The following PRKCE variants were observed in gnomAD, a reference collection of about 807,000 sequenced individuals.
The protein encoded by PRKCE is protein kinase C epsilon type.
PRKCE carries 16 observed loss-of-function variants against 85.4 expected under a neutral mutation model. That is an observed-to-expected ratio of 0.19 (90% confidence interval 0.13 to 0.28). The LOEUF is 0.28. PRKCE is among the 10% of genes least tolerant of loss of function. The probability of loss-of-function intolerance (pLI) is 1.00; values close to 1 mark genes in which losing one functional copy is unlikely to be tolerated. For missense variants in PRKCE, 573 were observed against 975.2 expected (o/e 0.59, Z 5.49); for synonymous variants, 388 against 371.5 (o/e 1.04, Z -0.51).
chr2:46,077,929 T>A (rs1299259233), intron 10 of PRKCE: 1 of 152,242 alleles, frequency 6.6e-6, no homozygotes, highest in African/African-American at 2.4e-5. Flanking sequence ...CATCATTATT[T>A]ACTGTTTTCA....
chr2:46,056,907 T>G (rs1056603912), intron 10 of PRKCE, among the ~76,000 whole-genome samples: 1 of 152,246 alleles, frequency 6.6e-6, no homozygotes, highest in African/African-American at 2.4e-5. Flanking sequence ...TTTGGATCAC[T>G]ATTGCTACAA....
chr2:45,731,548 G>A (rs1681574105), intron 1 of PRKCE, among the ~76,000 whole-genome samples: 1 of 151,468 alleles, frequency 6.6e-6, no homozygotes, highest in African/African-American at 2.4e-5. Flanking sequence ...GACATTAAGT[G>A]TCTTGGATTT....
chr2:46,122,278 G>A (rs1047781837), intron 11 of PRKCE, among the ~76,000 whole-genome samples: 119 of 152,158 alleles, frequency 7.8e-4, no homozygotes, highest in Non-Finnish European at 4.3e-4. Context: ...GTCATCCAGG[G>A]TGGAGTGCAG....
At chr2:45,757,385 A>G (rs576869425) in intron 1 of PRKCE, among the ~76,000 whole-genome samples, 18 of 150,742 alleles carry the variant, frequency 1.2e-4, no homozygotes, top group African/African-American at 3.9e-4. Context: ...TATTATAAAG[A>G]GCTGGGCATC....
intron 2 of PRKCE, among the ~76,000 whole-genome samples, chr2:45,967,619 G>A (rs1701820561): frequency 6.6e-6 from 1 of 152,196 alleles, no homozygotes; most frequent in African/African-American, 2.4e-5. Context: ...ATATTGTAAT[G>A]TAGTAGTTTA....
At chr2:45,864,707 T>C (rs1693444592) in intron 2 of PRKCE, among the ~76,000 whole-genome samples, 1 of 152,210 alleles carries the variant, frequency 6.6e-6, no homozygotes, top group South Asian at 2.1e-4. Flanking sequence ...TTCCTATGGA[T>C]TATAAAGAGA....
At chr2:46,051,905 A>G (rs1242705145) in intron 10 of PRKCE, among the ~76,000 whole-genome samples, 1 of 152,156 alleles carries the variant, frequency 6.6e-6, no homozygotes, top group African/African-American at 2.4e-5. Flanking sequence ...GCACGAGAGC[A>G]GGGAAAACTG....
At chr2:45,717,334 C>A (rs1026797810) in intron 1 of PRKCE, among the ~76,000 whole-genome samples, 2 of 152,222 alleles carry the variant, frequency 1.3e-5, no homozygotes, top group African/African-American at 4.8e-5. Context: ...CTGGTTTGTT[C>A]TCTCTGTCTG....
intron 2 of PRKCE, among the ~76,000 whole-genome samples, chr2:45,846,347 T>A (rs1691787630): frequency 6.6e-6 from 1 of 152,174 alleles, no homozygotes; most frequent in Non-Finnish European, 1.5e-5. Context: ...TGAGAGACGG[T>A]CGGCGCCTGA....
intron 2 of PRKCE, among the ~76,000 whole-genome samples, chr2:45,913,993 G>A (rs564045605): frequency 2.0e-3 from 306 of 152,266 alleles, no homozygotes; most frequent in South Asian, 2.5e-3. Context: ...TTTATTTGTG[G>A]CCTACAAACT....
chr2:45,772,399 G>A (rs914610879), intron 1 of PRKCE, among the ~76,000 whole-genome samples: 4 of 152,108 alleles, frequency 2.6e-5, no homozygotes, highest in Non-Finnish European at 2.9e-5. Context: ...GAGGGATTTA[G>A]GAACCTGGGA....
In PRKCE at chr2:45,884,999, A is replaced by ATTTTTTTTTT. The variant is rs1265565855; in HGVS notation, c.412+41937_412+41938insTTTTTTTTTT. Among the ~76,000 whole-genome samples, 17 of 63,256 alleles carry ATTTTTTTTTT rather than the reference A, an allele frequency of 2.7e-4. No homozygotes were observed. The East Asian group carries it at 4.8e-3, about 18-fold the overall frequency. 41.5% of individuals were successfully genotyped at this position (63,256 alleles called of 152,430 possible). A position where few individuals can be genotyped will look rare whatever the true frequency, so the allele number is the denominator to read the frequency against. The stretch of plus-strand genomic sequence containing the variant: ...TATATATATATATATATATATATAT[A>ATTTTTTTTTT]TATTTGTTGTTGTTGTTGTTGTTTT... On this transcript the variant is annotated intron_variant, in intron 2 of 14. Transcript: ENST00000306156.
At chr2:45,947,292 T>C (rs569063756) in intron 2 of PRKCE, among the ~76,000 whole-genome samples, 1 of 151,882 alleles carries the variant, frequency 6.6e-6, no homozygotes, top group Non-Finnish European at 1.5e-5. Flanking sequence ...AGTAAATTAG[T>C]GATTGCCAGG....
At chr2:46,104,125 A>T (rs1223634089) in intron 11 of PRKCE, among the ~76,000 whole-genome samples, 1 of 152,146 alleles carries the variant, frequency 6.6e-6, no homozygotes, top group Admixed American at 6.5e-5. Flanking sequence ...CAGATTGCCT[A>T]ATGTCAGTTT....
chr2:46,097,935 TG>T (rs1251724476), intron 11 of PRKCE, among the ~76,000 whole-genome samples: 1 of 152,218 alleles, frequency 6.6e-6, no homozygotes, highest in Non-Finnish European at 1.5e-5. Flanking sequence ...CTGAGCTGGC[TG>T]GGATGAAAGC....
At chr2:45,960,340 C>A in intron 2 of PRKCE, among the ~76,000 whole-genome samples, 1 of 152,088 alleles carries the variant, frequency 6.6e-6, no homozygotes, top group East Asian at 1.9e-4. Flanking sequence ...AGAATCCTTT[C>A]GAGAAATAGA....
At chr2:45,979,087 G>T (rs1234534705) in intron 4 of PRKCE, 77 bp downstream of exon 4, 3 of 1,396,740 alleles carry the variant, frequency 2.1e-6, no homozygotes, top group African/African-American at 1.4e-5. Flanking sequence ...GGAGGCAGGT[G>T]CTCAGTCTGA....
At chr2:45,985,820 T>C (rs1703279145) in intron 6 of PRKCE, among the ~76,000 whole-genome samples, 1 of 152,168 alleles carries the variant, frequency 6.6e-6, no homozygotes, top group African/African-American at 2.4e-5. Flanking sequence ...GGGGACACCT[T>C]AACTCGAGGT....
intron 2 of PRKCE, among the ~76,000 whole-genome samples, chr2:45,880,471 A>G (rs1694799822): frequency 6.6e-6 from 1 of 152,226 alleles, no homozygotes; most frequent in Non-Finnish European, 1.5e-5. Context: ...ACCTCTTACA[A>G]AGAGACTTGG....
Sources: allele counts gnomAD v4.1 joint callset (sites outside exome capture counted in the v4.1 genomes callset), GRCh38; gene constraint gnomAD v4.1.1; transcripts MANE v1.5; gene names NCBI Gene and HGNC (gene_info 2026-07-23, HGNC 2026-07-21).